Variants in CTTNBP2NL observed in about 807,000 individuals in gnomAD.
CTTNBP2NL encodes CTTNBP2 N-terminal like, also known as CTTNBP2 N-terminal-like protein.
In CTTNBP2NL, 16 loss-of-function variants were observed where a neutral mutation model predicts 32.5. That is an observed-to-expected ratio of 0.49 (90% confidence interval 0.33 to 0.75). CTTNBP2NL has a LOEUF of 0.75. Ranked by LOEUF, CTTNBP2NL falls within the 30% of genes least tolerant of loss-of-function variation. The pLI is 0.02. For missense variants in CTTNBP2NL, 645 were observed against 756.0 expected (o/e 0.85, Z 1.72); for synonymous variants, 298 against 289.4 (o/e 1.03, Z -0.30).
intron 1 of CTTNBP2NL, among the ~76,000 whole-genome samples, chr1:112,398,277 A>C (rs1381067672): frequency 6.6e-6 from 1 of 152,224 alleles, no homozygotes; most frequent in African/African-American, 2.4e-5. Context: ...TTGGGTCTTG[A>C]AAATCTTTCC....
intron 3 of CTTNBP2NL, among the ~76,000 whole-genome samples, chr1:112,445,925 T>C (rs777487744): frequency 6.6e-6 from 1 of 152,188 alleles, no homozygotes; most frequent in Non-Finnish European, 1.5e-5. Context: ...TCCCAGCTCC[T>C]ACTCCTCCAT....
chr1:112,426,072 GTCT>G (rs1192741502), intron 3 of CTTNBP2NL, among the ~76,000 whole-genome samples: 1 of 151,418 alleles, frequency 6.6e-6, no homozygotes, highest in Non-Finnish European at 1.5e-5. Context: ...GGATATCTGT[GTCT>G]TCTTCCCAGA....
rs1650523579 is a variant in CTTNBP2NL, at chr1:112,460,646, A to G, written c.*3234A>G. On this transcript the variant is annotated 3_prime_UTR_variant, in exon 6 of 6. Transcript: ENST00000271277. ...AAGCATAATCTTGTTCTGCTCTCTCATTTTACAAATGATTAATGCATCCCT... is the reference window on the plus strand; with the variant it reads ...AAGCATAATCTTGTTCTGCTCTCTCGTTTTACAAATGATTAATGCATCCCT... The G allele has an allele frequency of 6.6e-6, 1 of 152,180 alleles. No homozygotes were observed. 9.4% of individuals were successfully genotyped at this position (152,180 alleles called of 1,614,324 possible).
At chr1:112,426,311 C>T (rs993503240) in intron 3 of CTTNBP2NL, among the ~76,000 whole-genome samples, 8 of 152,014 alleles carry the variant, frequency 5.3e-5, no homozygotes. Flanking sequence ...TATTGACCTT[C>T]TCTGAGATCA....
At position 112,416,538 on chromosome 1, in the gene CTTNBP2NL, G is replaced by C. The variant is rs946153928; in HGVS notation, c.99+274G>C. ...TTTTGAGACGGAGTGTCACTCTGTC[G>C]CCAGGCTGGAGTGCAGTGGCGCTAT... On this transcript the variant is annotated intron_variant, in intron 3 of 5. Coordinates refer to ENST00000271277, the MANE Select transcript of CTTNBP2NL (RefSeq NM_018704.3). 7.4e-5 allele frequency among the ~76,000 whole-genome samples: 11 copies of C among 148,424 alleles called. No individual in the cohort carries two copies. In the South Asian group the frequency reaches 8.5e-4, roughly 11 times the overall value.
chr1:112,397,667 TGTC>T (rs942632820), intron 1 of CTTNBP2NL, among the ~76,000 whole-genome samples: 11 of 152,226 alleles, frequency 7.2e-5, no homozygotes, highest in Non-Finnish European at 1.6e-4. Context: ...CTCATGTTAA[TGTC>T]GTTGAATCCC....
chr1:112,391,456 C>G (rs1377277035), upstream of CTTNBP2NL, among the ~76,000 whole-genome samples: 2 of 152,106 alleles, frequency 1.3e-5, no homozygotes, highest in Non-Finnish European at 2.9e-5. Context: ...TTATGGAGTC[C>G]CAGATGTTTA....
chr1:112,419,254 A>G (rs927874529), intron 3 of CTTNBP2NL, among the ~76,000 whole-genome samples: 2 of 152,224 alleles, frequency 1.3e-5, no homozygotes, highest in Non-Finnish European at 2.9e-5. Flanking sequence ...TATTTAGAGT[A>G]TGAGATTATG....
intron 3 of CTTNBP2NL, among the ~76,000 whole-genome samples, chr1:112,427,423 G>A (rs559372873): frequency 6.6e-6 from 1 of 152,214 alleles, no homozygotes; most frequent in Non-Finnish European, 1.5e-5. Context: ...AAAATTCAGG[G>A]TTTGTTTCTT....
At position 112,458,191 on chromosome 1, in the gene CTTNBP2NL, G is replaced by A. The variant is rs1413730243; in HGVS notation, c.*779G>A. ...TCTCAAGCATCTACTGTTGTGTAAG[G>A]AACTTCTGATTCTGATTGCTGTTAC... On this transcript the variant is annotated 3_prime_UTR_variant, in exon 6 of 6. Coordinates refer to ENST00000271277, the MANE Select transcript of CTTNBP2NL (RefSeq NM_018704.3). 1 of 152,608 alleles carries A rather than the reference G, an allele frequency of 6.6e-6. No individual in the cohort carries two copies. The highest frequency in any genetic ancestry group is 2.1e-4 in the South Asian group (1 of 4,834). The allele number at this position is 152,608 out of a possible 1,614,324, so 9.5% of individuals were successfully genotyped here.
chr1:112,453,522 C>T (rs550007271), intron 4 of CTTNBP2NL, among the ~76,000 whole-genome samples: 4 of 151,982 alleles, frequency 2.6e-5, no homozygotes, highest in South Asian at 4.2e-4. Flanking sequence ...GAGGCTGAGG[C>T]GGGTGGATCA....
intron 3 of CTTNBP2NL, among the ~76,000 whole-genome samples, chr1:112,443,163 T>C (rs1022094794): frequency 6.6e-6 from 1 of 152,228 alleles, no homozygotes; most frequent in African/African-American, 2.4e-5. Context: ...TAAATATTTA[T>C]GGTTGCAGGT....
intron 3 of CTTNBP2NL, among the ~76,000 whole-genome samples, chr1:112,440,412 G>T (rs1456979237): frequency 1.3e-5 from 2 of 152,106 alleles, no homozygotes; most frequent in Non-Finnish European, 2.9e-5. Flanking sequence ...ATAGATTCAG[G>T]ATTCAGATTT....
At chr1:112,408,554 T>TATAC (rs1648754029) in intron 1 of CTTNBP2NL, among the ~76,000 whole-genome samples, 1 of 152,182 alleles carries the variant, frequency 6.6e-6, no homozygotes, top group South Asian at 2.1e-4. Context: ...GGTTGTTTTG[T>TATAC]ATACATTTTA....
intron 3 of CTTNBP2NL, among the ~76,000 whole-genome samples, chr1:112,438,563 T>A (rs940632011): frequency 1.3e-5 from 2 of 152,198 alleles, no homozygotes; most frequent in Non-Finnish European, 1.5e-5. Flanking sequence ...GCCCTTTATT[T>A]ATTTCTCTTG....
At chr1:112,433,948 G>T (rs969329931) in intron 3 of CTTNBP2NL, among the ~76,000 whole-genome samples, 3 of 151,290 alleles carry the variant, frequency 2.0e-5, no homozygotes, top group Non-Finnish European at 2.9e-5. Flanking sequence ...ATGTTGCCCA[G>T]GCTAGTCCCG....
chr1:112,422,374 T>C (rs1174675621), intron 3 of CTTNBP2NL, among the ~76,000 whole-genome samples: 1 of 152,260 alleles, frequency 6.6e-6, no homozygotes, highest in African/African-American at 2.4e-5. Flanking sequence ...ACCACGGTTT[T>C]GTTTTATCCA....
upstream of CTTNBP2NL, among the ~76,000 whole-genome samples, chr1:112,391,270 G>A (rs80108049): frequency 0.023 from 3,510 of 152,310 alleles, 44 homozygotes; most frequent in Non-Finnish European, 0.037. Flanking sequence ...ATCAACCCCG[G>A]GGAGAAGGGG....
rs1650314021 is a variant in CTTNBP2NL, at chr1:112,454,654, G to A, written c.438+98G>A. The A allele has an allele frequency of 3.4e-6, 3 of 884,822 alleles. No homozygotes were observed. In the East Asian group the frequency reaches 7.3e-5, roughly 21 times the overall value. 54.8% of individuals were successfully genotyped at this position (884,822 alleles called of 1,614,324 possible). A position where few individuals can be genotyped will look rare whatever the true frequency, so the allele number is the denominator to read the frequency against. On this transcript the variant is annotated intron_variant, in intron 5 of 5. Coordinates refer to ENST00000271277, the MANE Select transcript of CTTNBP2NL (RefSeq NM_018704.3). Reference sequence around the variant, plus strand: ...CCAACTGGTATTGTTCAGAAAAGGGGCTTTGTGGTCAAATAAGTTTAGGAA... The same window carrying A: ...CCAACTGGTATTGTTCAGAAAAGGGACTTTGTGGTCAAATAAGTTTAGGAA...
Sources: allele counts gnomAD v4.1 joint callset (sites outside exome capture counted in the v4.1 genomes callset), GRCh38; gene constraint gnomAD v4.1.1; transcripts MANE v1.5; gene names NCBI Gene and HGNC (gene_info 2026-07-23, HGNC 2026-07-21).